Variants in PRKAG2 observed in about 807,000 individuals in gnomAD.
PRKAG2 encodes protein kinase AMP-activated non-catalytic subunit gamma 2, also known as 5'-AMP-activated protein kinase subunit gamma-2.
A neutral mutation model predicts 69.6 loss-of-function variants in PRKAG2; 26 were observed. The ratio of observed to expected loss-of-function variants is 0.37; its 90% CI spans 0.27 to 0.52. The LOEUF (loss-of-function observed/expected upper bound fraction) is 0.52, where lower values mean the gene tolerates loss of function less well. Ranked by LOEUF, PRKAG2 falls within the 20% of genes least tolerant of loss-of-function variation. The pLI, the probability that PRKAG2 is intolerant of heterozygous loss-of-function variation, is 0.90. For missense variants in PRKAG2, 557 were observed against 740.0 expected (o/e 0.75, Z 2.87); for synonymous variants, 293 against 285.0 (o/e 1.03, Z -0.28).
rs2078576635 is a variant in PRKAG2 at position 151,814,437 on chromosome 7, G to A, written c.115-27896C>T. The stretch of plus-strand genomic sequence containing the variant: ...TTACTCAGCCCCAAGGGGTCCTGGA[G>A]GTCTTCTCTTCCAGATGCTAATAAG... On this transcript the variant is annotated intron_variant, in intron 1 of 15. Coordinates refer to ENST00000287878, the MANE Select transcript of PRKAG2 (RefSeq NM_016203.4). The surrounding 1 kb of genome is among the most constrained non-coding windows in gnomAD (Gnocchi z 4.8). 2.4e-6 allele frequency: 3 copies of A among 1,229,366 alleles called. No individual in the cohort carries two copies. Among genetic ancestry groups the A allele is most frequent in the Non-Finnish European group, 2.0e-6 (2 of 987,058 alleles). 76.2% of individuals were successfully genotyped at this position (1,229,366 alleles called of 1,614,324 possible).
At chr7:151,708,815 T>C (rs887020971) in intron 3 of PRKAG2, among the ~76,000 whole-genome samples, 1 of 152,194 alleles carries the variant, frequency 6.6e-6, no homozygotes, top group African/African-American at 2.4e-5. Flanking sequence ...GCCTTTTAAG[T>C]TCCATGTGAG....
chr7:151,710,994 A>G (rs1325670566), intron 3 of PRKAG2, among the ~76,000 whole-genome samples: 2 of 152,074 alleles, frequency 1.3e-5, no homozygotes, highest in Non-Finnish European at 2.9e-5. Flanking sequence ...TGCGAGTGCT[A>G]GGAATACAGT....
At chr7:151,795,696 G>A (rs1365721845) in intron 1 of PRKAG2, among the ~76,000 whole-genome samples, 1 of 151,898 alleles carries the variant, frequency 6.6e-6, no homozygotes, top group Non-Finnish European at 1.5e-5. Flanking sequence ...TCCGCAGCAG[G>A]CCTGAAGAGG....
chr7:151,657,453 G>A (rs73481933), intron 4 of PRKAG2, among the ~76,000 whole-genome samples: 8 of 152,166 alleles, frequency 5.3e-5, no homozygotes, highest in African/African-American at 7.2e-5. Context: ...AAATGCTGTT[G>A]TTGGTTTGGG....
At chr7:151,746,357 A>G (rs999797172) in intron 3 of PRKAG2, among the ~76,000 whole-genome samples, 1 of 152,240 alleles carries the variant, frequency 6.6e-6, no homozygotes, top group African/African-American at 2.4e-5. Flanking sequence ...ATATATTTCA[A>G]AACAAGGTAA....
chr7:151,803,906 C>T (rs2077967256), intron 1 of PRKAG2, among the ~76,000 whole-genome samples: 1 of 145,424 alleles, frequency 6.9e-6, no homozygotes, highest in African/African-American at 2.6e-5. Flanking sequence ...CCACTGCACT[C>T]CAGACTGGGC....
intron 3 of PRKAG2, among the ~76,000 whole-genome samples, chr7:151,691,871 T>A (rs1034418112): frequency 1.3e-5 from 2 of 152,224 alleles, no homozygotes; most frequent in African/African-American, 4.8e-5. Flanking sequence ...AGTGGCTCTA[T>A]TCATAGTTGC....
At chr7:151,598,646 T>C (rs953959491) in intron 5 of PRKAG2, among the ~76,000 whole-genome samples, 1 of 151,994 alleles carries the variant, frequency 6.6e-6, no homozygotes, top group Non-Finnish European at 1.5e-5. Context: ...AAAAAAAGGC[T>C]ACTATATTTG....
At chr7:151,834,267 T>G (rs1490445102) in intron 1 of PRKAG2, among the ~76,000 whole-genome samples, 1 of 152,208 alleles carries the variant, frequency 6.6e-6, no homozygotes, top group Non-Finnish European at 1.5e-5. Context: ...TCTAAGGGAA[T>G]GAGAAAGTAC....
At chr7:151,562,351 C>T (rs750300869) in intron 14 of PRKAG2, among the ~76,000 whole-genome samples, 21 of 151,212 alleles carry the variant, frequency 1.4e-4, no homozygotes, top group Non-Finnish European at 2.1e-4. Flanking sequence ...CAGTGATACC[C>T]CTGATAGAAA....
At chr7:151,726,517 T>A (rs977699192) in intron 3 of PRKAG2, among the ~76,000 whole-genome samples, 17 of 152,170 alleles carry the variant, frequency 1.1e-4, no homozygotes, top group Non-Finnish European at 1.0e-4. Flanking sequence ...AGAGTGCCCA[T>A]GAGAGCACTC....
chr7:151,864,488 A>G (rs9640302), intron 1 of PRKAG2, among the ~76,000 whole-genome samples: 126,593 of 152,224 alleles, frequency 0.83, 52,982 homozygotes, highest in East Asian at 0.98. Context: ...GCAACCCTAG[A>G]GGGGAGGTCT....
chr7:151,647,424 C>T (rs184830638), intron 4 of PRKAG2, among the ~76,000 whole-genome samples: 81 of 152,286 alleles, frequency 5.3e-4, no homozygotes, highest in Admixed American at 1.6e-3. Context: ...TTGGGGAAAT[C>T]AGATTTCTGC....
At chr7:151,811,857 T>A (rs73728403) in intron 1 of PRKAG2, among the ~76,000 whole-genome samples, 98 of 152,298 alleles carry the variant, frequency 6.4e-4, no homozygotes, top group African/African-American at 2.3e-3. Context: ...GGCTCATAAG[T>A]ACAGTTGGAG....
intron 3 of PRKAG2, among the ~76,000 whole-genome samples, chr7:151,688,087 AT>A (rs1835051733): frequency 7.1e-6 from 1 of 141,658 alleles, no homozygotes; most frequent in South Asian, 2.2e-4. Context: ...GACTACTGTC[AT>A]TTCCTAGAAG....
At chr7:151,574,085 T>C (rs575854775) in intron 8 of PRKAG2, among the ~76,000 whole-genome samples, 2 of 152,352 alleles carry the variant, frequency 1.3e-5, no homozygotes, top group Non-Finnish European at 2.9e-5. Context: ...GGCAAGAGCA[T>C]GTTTTATGAA....
chr7:151,582,036 G>A (rs990425272), intron 6 of PRKAG2, among the ~76,000 whole-genome samples: 1 of 152,216 alleles, frequency 6.6e-6, no homozygotes, highest in Non-Finnish European at 1.5e-5. Flanking sequence ...CACGCGTGCT[G>A]AATCAAGTTA....
chr7:151,831,779 A>G (rs1194099547), intron 1 of PRKAG2, among the ~76,000 whole-genome samples: 2 of 152,100 alleles, frequency 1.3e-5, no homozygotes, highest in African/African-American at 2.4e-5. Context: ...GCTGTGTCCC[A>G]GGCAGGAGCT....
chr7:151,729,203 G>C (rs1179227202), intron 3 of PRKAG2, among the ~76,000 whole-genome samples: 1 of 152,110 alleles, frequency 6.6e-6, no homozygotes, highest in African/African-American at 2.4e-5. Flanking sequence ...ATCCACGGCT[G>C]GGAGTGGAGA....
Sources: gnomAD v4.1 joint callset for allele counts (sites outside exome capture counted in the v4.1 genomes callset) on GRCh38, gnomAD v4.1.1 for gene constraint, Gnocchi (gnomAD v3.1) non-coding constraint, MANE v1.5 for transcripts, NCBI Gene and HGNC (gene_info 2026-07-23, HGNC 2026-07-21) for gene names.